The following PCSK5 variants were observed in gnomAD, a reference collection of about 807,000 sequenced individuals.
PCSK5 encodes the protein proprotein convertase subtilisin/kexin type 5, also known as prohormone convertase 5.
PCSK5 carries 129 observed loss-of-function variants against 233.2 expected under a neutral mutation model. The observed-to-expected ratio is 0.55, with a 90% confidence interval of 0.48 to 0.64. The LOEUF is 0.64. Ranked by LOEUF, PCSK5 falls within the 30% of genes least tolerant of loss-of-function variation. PCSK5 has a pLI of 0.00. For missense variants in PCSK5, 2,076 were observed against 2,430.1 expected (o/e 0.85, Z 3.06); for synonymous variants, 825 against 879.2 (o/e 0.94, Z 1.09).
At chr9:76,347,409 C>T (rs1432981900) in intron 35 of PCSK5, among the ~76,000 whole-genome samples, 1 of 152,098 alleles carries the variant, frequency 6.6e-6, no homozygotes, top group Non-Finnish European at 1.5e-5. Flanking sequence ...TAATAGAAAG[C>T]CTTCTGGAAA....
At chr9:75,891,434 C>T in intron 1 of PCSK5, 61 bp downstream of exon 1, 1 of 1,320,446 alleles carries the variant, frequency 7.6e-7, no homozygotes. Context: ...TTCTTGTCCC[C>T]TCTGCGTGGA....
intron 5 of PCSK5, among the ~76,000 whole-genome samples, chr9:76,034,694 C>T (rs1250851134): frequency 6.6e-6 from 1 of 152,150 alleles, no homozygotes; most frequent in African/African-American, 2.4e-5. Flanking sequence ...TTCACAGCAC[C>T]TGTGAACTTA....
At chr9:75,927,654 G>T (rs948489366) in intron 1 of PCSK5, among the ~76,000 whole-genome samples, 1 of 152,096 alleles carries the variant, frequency 6.6e-6, no homozygotes, top group Admixed American at 6.6e-5. Flanking sequence ...TTTCTGAAAG[G>T]CCACACAGCT....
chr9:75,908,292 T>G (rs1822493531), intron 1 of PCSK5, among the ~76,000 whole-genome samples: 1 of 152,172 alleles, frequency 6.6e-6, no homozygotes, highest in South Asian at 2.1e-4. Context: ...CTTGGGTAGA[T>G]AGAGGGAAAG....
At chr9:76,267,223 C>A (rs1276752199) in intron 24 of PCSK5, among the ~76,000 whole-genome samples, 1 of 152,090 alleles carries the variant, frequency 6.6e-6, no homozygotes, top group Non-Finnish European at 1.5e-5. Flanking sequence ...GGGCTGTTCC[C>A]ATGCCAGAGA....
chr9:75,891,514 T>C, intron 1 of PCSK5, 141 bp downstream of exon 1: 1 of 595,126 alleles, frequency 1.7e-6, no homozygotes, highest in Non-Finnish European at 2.7e-6. Context: ...CTCTGTCTCC[T>C]GCGCGCGCGC....
chr9:76,227,443 G>C, intron 20 of PCSK5, 60 bp from the exon 21 acceptor site: 3 of 1,213,412 alleles, frequency 2.5e-6, no homozygotes, highest in Non-Finnish European at 3.6e-6. Context: ...CTCTCAGACT[G>C]ACAGCCCAGG....
intron 8 of PCSK5, among the ~76,000 whole-genome samples, chr9:76,104,945 C>T (rs1831916869): frequency 6.6e-6 from 1 of 152,152 alleles, no homozygotes; most frequent in Non-Finnish European, 1.5e-5. Context: ...GACTTAGGGA[C>T]CAGGGCTTTG....
intron 10 of PCSK5, among the ~76,000 whole-genome samples, chr9:76,145,079 T>C (rs1028865697): frequency 3.9e-5 from 6 of 152,160 alleles, no homozygotes; most frequent in Middle Eastern, 3.4e-3. Context: ...GAGCCAAGAT[T>C]GTGCCGCTGC....
At position 76,359,864 on chromosome 9, in the gene PCSK5, G is replaced by A. The variant is rs773255051; in HGVS notation, c.*942G>A. 1 of 152,028 alleles carries A rather than the reference G, an allele frequency of 6.6e-6. No homozygotes were observed. The allele number at this position is 152,028 out of a possible 1,614,324, so 9.4% of individuals were successfully genotyped here. ...CAAAACCGTGGACTCTCAATAGAAA[G>A]AGTTGGAATAGAGTCTAACATGGAA... On this transcript the variant is annotated 3_prime_UTR_variant, in exon 38 of 38. Coordinates refer to ENST00000674117, the MANE Select transcript of PCSK5 (RefSeq NM_001372043.1).
intron 7 of PCSK5, among the ~76,000 whole-genome samples, chr9:76,085,284 T>C (rs1186512984): frequency 2.6e-5 from 4 of 152,232 alleles, no homozygotes; most frequent in Non-Finnish European, 5.9e-5. Context: ...TGAACCCTGC[T>C]GTTTGTTCTG....
At chr9:75,947,753 T>C (rs10869672) in intron 2 of PCSK5, among the ~76,000 whole-genome samples, 95,255 of 152,082 alleles carry the variant, frequency 0.63, 30,557 homozygotes, top group East Asian at 0.84. Flanking sequence ...AATGAAGTTG[T>C]ACCTTACATG....
intron 5 of PCSK5, among the ~76,000 whole-genome samples, chr9:76,055,612 A>G (rs1432991248): frequency 6.6e-6 from 1 of 152,116 alleles, no homozygotes; most frequent in Non-Finnish European, 1.5e-5. Context: ...AATACTAATG[A>G]AGGAATATAG....
chr9:76,251,933 C>T (rs1194979884), intron 24 of PCSK5, among the ~76,000 whole-genome samples: 1 of 151,946 alleles, frequency 6.6e-6, no homozygotes, highest in Non-Finnish European at 1.5e-5. Context: ...TTCTTCCCTT[C>T]TGATTCTAGA....
At chr9:75,905,688 G>A (rs556499429) in intron 1 of PCSK5, among the ~76,000 whole-genome samples, 1 of 152,190 alleles carries the variant, frequency 6.6e-6, no homozygotes, top group Non-Finnish European at 1.5e-5. Context: ...CAGGTGAGCC[G>A]CTCCACTTCC....
At chr9:76,004,379 T>A (rs1827391171) in intron 3 of PCSK5, among the ~76,000 whole-genome samples, 1 of 152,288 alleles carries the variant, frequency 6.6e-6, no homozygotes, top group South Asian at 2.1e-4. Context: ...CATTTTTTGG[T>A]GATGTTAACT....
intron 33 of PCSK5, among the ~76,000 whole-genome samples, chr9:76,330,193 A>T (rs1474436316): frequency 1.3e-5 from 2 of 152,182 alleles, no homozygotes; most frequent in East Asian, 3.8e-4. Context: ...TTGAGCAAAA[A>T]GTGGCACAGG....
chr9:76,239,461 G>A (rs1314472446), intron 23 of PCSK5, among the ~76,000 whole-genome samples: 3 of 152,144 alleles, frequency 2.0e-5, no homozygotes. Flanking sequence ...TTGGGAGGCT[G>A]AGGCAGGTGG....
chr9:75,969,884 T>G (rs1337353275), intron 2 of PCSK5, among the ~76,000 whole-genome samples: 6 of 151,768 alleles, frequency 4.0e-5, no homozygotes, highest in Admixed American at 3.9e-4. Flanking sequence ...TTTTTTTTTT[T>G]TTTTTCTGAG....
Sources: allele counts gnomAD v4.1 joint callset (sites outside exome capture counted in the v4.1 genomes callset), GRCh38; gene constraint gnomAD v4.1.1; transcripts MANE v1.5; gene names NCBI Gene and HGNC (gene_info 2026-07-23, HGNC 2026-07-21).